THEMIS: variants seen among roughly 807,000 people sequenced by gnomAD.
The protein encoded by THEMIS is thymocyte selection associated.
In THEMIS, 37 loss-of-function variants were observed where a neutral mutation model predicts 52.6. The ratio of observed to expected loss-of-function variants is 0.70; its 90% CI spans 0.54 to 0.93. The LOEUF (loss-of-function observed/expected upper bound fraction) is 0.93. THEMIS is among the 40% of genes least tolerant of loss of function. The pLI, the probability that THEMIS is intolerant of heterozygous loss-of-function variation, is 0.00. For synonymous variants in THEMIS, 292 were observed against 272.7 expected (o/e 1.07, Z -0.70); for missense variants, 808 against 763.1 (o/e 1.06, Z -0.69).
intron 4 of THEMIS, among the ~76,000 whole-genome samples, chr6:127,738,596 C>A: frequency 6.6e-6 from 1 of 152,112 alleles, no homozygotes; most frequent in East Asian, 1.9e-4. Context: ...CTCCATTTCA[C>A]CCCTCCCCTT....
Position 127,813,733 on chromosome 6 carries a change from G to C in THEMIS, c.908C>G (p.Pro303Arg). 6.2e-7 allele frequency: 1 copy of C among 1,613,876 alleles called. No individual in the cohort carries two copies. The highest frequency in any genetic ancestry group is 8.5e-7 in the Non-Finnish European group (1 of 1,179,918). The change falls in exon 4 of 6, where the codon CCT becomes CGT. Residue 303 changes from proline to arginine, a missense_variant. Coordinates refer to ENST00000368248, the MANE Select transcript of THEMIS (RefSeq NM_001010923.3). ...GNHLPQSILQPGKTIVIHKKY... is the reference protein window; with the variant it reads ...GNHLPQSILQRGKTIVIHKKY... ...TTTGTGGATCACAATGGTTTTCCCA[G>C]GCTGTAAAATGCTTTGGGGCAGGTG...
At chr6:127,908,108 C>A (rs779325934) in intron 1 of THEMIS, among the ~76,000 whole-genome samples, 1 of 152,062 alleles carries the variant, frequency 6.6e-6, no homozygotes, top group Non-Finnish European at 1.5e-5. Context: ...CTTTTAGTTT[C>A]CTTTTGAATA....
intron 1 of THEMIS, among the ~76,000 whole-genome samples, chr6:127,865,167 A>G (rs575064683): frequency 6.6e-6 from 1 of 152,288 alleles, no homozygotes; most frequent in Non-Finnish European, 1.5e-5. Flanking sequence ...AAACTCATAC[A>G]GTGTGGCCAA....
At chr6:127,844,111 T>C (rs1779136997) in intron 2 of THEMIS, among the ~76,000 whole-genome samples, 1 of 151,980 alleles carries the variant, frequency 6.6e-6, no homozygotes, top group Non-Finnish European at 1.5e-5. Flanking sequence ...ATATTGAACA[T>C]TTGAAATCAC....
chr6:127,724,164 A>G (rs1214763667), intron 4 of THEMIS, among the ~76,000 whole-genome samples: 3 of 152,096 alleles, frequency 2.0e-5, no homozygotes, highest in African/African-American at 4.8e-5. Flanking sequence ...ATGCAGTTAC[A>G]TTTTACTTTG....
chr6:127,903,625 G>A (rs952552658), upstream of THEMIS, among the ~76,000 whole-genome samples: 2 of 151,348 alleles, frequency 1.3e-5, no homozygotes, highest in Non-Finnish European at 2.9e-5. Context: ...GTCTGGAAAA[G>A]GGTAAGAAAA....
At chr6:127,840,494 GTGA>G (rs1242000126) in intron 2 of THEMIS, among the ~76,000 whole-genome samples, 21 of 152,170 alleles carry the variant, frequency 1.4e-4, no homozygotes, top group Non-Finnish European at 2.8e-4. Flanking sequence ...GATGAGTCTG[GTGA>G]TGATATTATA....
chr6:127,827,153 C>T (rs1778536516), intron 3 of THEMIS, among the ~76,000 whole-genome samples: 1 of 152,010 alleles, frequency 6.6e-6, no homozygotes, highest in Non-Finnish European at 1.5e-5. Flanking sequence ...TTTTTCTTGA[C>T]GTCAAGGCAA....
At chr6:127,856,030 C>T (rs746641856) in intron 1 of THEMIS, among the ~76,000 whole-genome samples, 1 of 151,960 alleles carries the variant, frequency 6.6e-6, no homozygotes, top group Non-Finnish European at 1.5e-5. Context: ...CAATTCAACA[C>T]TAACTTAAGG....
chr6:127,696,667 C>T, the THEMIS span, among the ~76,000 whole-genome samples: 54 of 152,292 alleles, frequency 3.5e-4, no homozygotes, highest in African/African-American at 1.2e-3. Flanking sequence ...TCTAAGAGTT[C>T]TGGAGGCAAG....
At chr6:127,770,551 A>C (rs1405739181) in intron 4 of THEMIS, among the ~76,000 whole-genome samples, 2 of 152,074 alleles carry the variant, frequency 1.3e-5, no homozygotes, top group East Asian at 3.9e-4. Flanking sequence ...TAGATTGCAA[A>C]AATTTTCTCC....
intron 2 of THEMIS, among the ~76,000 whole-genome samples, chr6:127,831,727 A>C (rs1202203648): frequency 5.3e-5 from 8 of 152,190 alleles, no homozygotes; most frequent in Non-Finnish European, 5.9e-5. Context: ...AGGAATGAGC[A>C]AGGTAGCAAA....
At chr6:127,750,069 G>A (rs1049853602) in intron 4 of THEMIS, among the ~76,000 whole-genome samples, 17 of 148,934 alleles carry the variant, frequency 1.1e-4, no homozygotes, top group African/African-American at 4.2e-4. Context: ...AATGTCAATG[G>A]ATTCATTATA....
chr6:127,787,880 T>TAGATAGATAGATATAG (rs200767496), intron 4 of THEMIS, among the ~76,000 whole-genome samples: 1,638 of 119,924 alleles, frequency 0.014, 12 homozygotes, highest in African/African-American at 0.025. Flanking sequence ...GATAGATAGA[T>TAGATAGATAGATATAG]ATAGATAGAT....
the THEMIS span, among the ~76,000 whole-genome samples, chr6:127,697,668 C>T: frequency 6.8e-6 from 1 of 146,412 alleles, no homozygotes; most frequent in African/African-American, 2.4e-5. Flanking sequence ...AAGTCTTTTG[C>T]AATTGTTAAT....
chr6:127,727,595 T>C (rs751982523), intron 4 of THEMIS, among the ~76,000 whole-genome samples: 8 of 152,178 alleles, frequency 5.3e-5, no homozygotes, highest in African/African-American at 1.7e-4. Context: ...GGCTTTCACA[T>C]GAGTCTTTAA....
At chr6:127,913,323 A>T (rs1049390711) in intron 1 of THEMIS, among the ~76,000 whole-genome samples, 1 of 152,056 alleles carries the variant, frequency 6.6e-6, no homozygotes, top group Admixed American at 6.6e-5. Context: ...TTCAGTTTCC[A>T]TTCGCTGAAT....
At chr6:127,743,814 T>C (rs1448385496) in intron 4 of THEMIS, among the ~76,000 whole-genome samples, 2 of 152,104 alleles carry the variant, frequency 1.3e-5, no homozygotes, top group Admixed American at 6.6e-5. Flanking sequence ...AATATATAAA[T>C]AGTAAAAAGC....
intron 5 of THEMIS, among the ~76,000 whole-genome samples, chr6:127,711,698 C>A (rs1418929326): frequency 6.6e-6 from 1 of 151,972 alleles, no homozygotes; most frequent in African/African-American, 2.4e-5. Flanking sequence ...AGGCAGTATG[C>A]CCAGATTTAA....
Sources: allele counts gnomAD v4.1 joint callset (sites outside exome capture counted in the v4.1 genomes callset), GRCh38; gene constraint gnomAD v4.1.1; transcripts MANE v1.5; gene names NCBI Gene and HGNC (gene_info 2026-07-23, HGNC 2026-07-21).